Variants in MIPOL1 observed in about 807,000 individuals in gnomAD.
MIPOL1 encodes mirror-image polydactyly 1.
MIPOL1 carries 57 observed loss-of-function variants against 60.9 expected under a neutral mutation model. The observed-to-expected ratio is 0.94, with a 90% CI of 0.76 to 1.17. The LOEUF is 1.17. Among genes scored for constraint, MIPOL1 ranks in the 50% most tolerant of loss-of-function variants. The pLI is 0.00. For synonymous variants in MIPOL1, 179 were observed against 168.8 expected (o/e 1.06, Z -0.47); for missense variants, 551 against 511.6 (o/e 1.08, Z -0.74).
chr14:37,431,231 C>T (rs2094057890), intron 11 of MIPOL1, among the ~76,000 whole-genome samples: 1 of 152,200 alleles, frequency 6.6e-6, no homozygotes, highest in South Asian at 2.1e-4. Flanking sequence ...TATAGGTCCA[C>T]AGGTGGCAAT....
intron 9 of MIPOL1, among the ~76,000 whole-genome samples, chr14:37,324,570 T>G (rs1237264730): frequency 6.6e-6 from 1 of 152,114 alleles, no homozygotes; most frequent in Non-Finnish European, 1.5e-5. Flanking sequence ...GTTTTAAATT[T>G]TGATGACATC....
intron 11 of MIPOL1, among the ~76,000 whole-genome samples, chr14:37,455,190 A>G (rs550932546): frequency 2.6e-5 from 4 of 152,330 alleles, no homozygotes; most frequent in African/African-American, 9.6e-5. Flanking sequence ...CTTTCTTCTG[A>G]ATTACTATGA....
At chr14:37,304,304 T>G (rs1441077882) in intron 7 of MIPOL1, among the ~76,000 whole-genome samples, 1 of 151,740 alleles carries the variant, frequency 6.6e-6, no homozygotes, top group East Asian at 1.9e-4. Context: ...TCTGCTTTTC[T>G]TTACCCCTTG....
At chr14:37,299,494 C>A (rs2086167707) in intron 7 of MIPOL1, among the ~76,000 whole-genome samples, 1 of 151,656 alleles carries the variant, frequency 6.6e-6, no homozygotes, top group Non-Finnish European at 1.5e-5. Flanking sequence ...ACTTTCTTTA[C>A]CATTTGGTTA....
chr14:37,259,187 T>G (rs1028704712), intron 3 of MIPOL1, among the ~76,000 whole-genome samples: 4 of 152,158 alleles, frequency 2.6e-5, no homozygotes, highest in Admixed American at 2.6e-4. Flanking sequence ...TTCAGTATCT[T>G]ATAGCTACAC....
At chr14:37,459,274 A>G (rs1328157195) in intron 11 of MIPOL1, among the ~76,000 whole-genome samples, 1 of 152,174 alleles carries the variant, frequency 6.6e-6, no homozygotes, top group Non-Finnish European at 1.5e-5. Flanking sequence ...ACGACTAGCT[A>G]GAATAACCAA....
At chr14:37,284,426 C>G (rs989050588) in intron 6 of MIPOL1, among the ~76,000 whole-genome samples, 2 of 152,104 alleles carry the variant, frequency 1.3e-5, no homozygotes, top group African/African-American at 4.8e-5. Context: ...TCATTGCAAC[C>G]TCCGCCTCCT....
chr14:37,198,387 G>A (rs1346005781), intron 1 of MIPOL1: 1 of 152,066 alleles, frequency 6.6e-6, no homozygotes, highest in African/African-American at 2.4e-5. Context: ...TTTATTCAAG[G>A]GTGTATTTTT....
intron 6 of MIPOL1, among the ~76,000 whole-genome samples, chr14:37,270,740 G>A (rs1039023367): frequency 1.3e-5 from 2 of 150,628 alleles, no homozygotes; most frequent in Non-Finnish European, 2.9e-5. Context: ...ACTGATTTGG[G>A]CATTAAATGC....
chr14:37,295,952 A>G (rs1394494041), intron 7 of MIPOL1, among the ~76,000 whole-genome samples: 2 of 152,186 alleles, frequency 1.3e-5, no homozygotes, highest in Non-Finnish European at 2.9e-5. Flanking sequence ...CACCAAGCAG[A>G]CCTAATAGAC....
At chr14:37,297,372 G>A (rs2085841254) in intron 7 of MIPOL1, among the ~76,000 whole-genome samples, 1 of 152,130 alleles carries the variant, frequency 6.6e-6, no homozygotes, top group Non-Finnish European at 1.5e-5. Context: ...AAAACTGGAA[G>A]CATTCCCTTT....
chr14:37,339,550 T>C (rs2090423888), intron 9 of MIPOL1, among the ~76,000 whole-genome samples: 1 of 152,200 alleles, frequency 6.6e-6, no homozygotes, highest in Non-Finnish European at 1.5e-5. Flanking sequence ...GAAAATGATG[T>C]GAAAGTCATT....
intron 6 of MIPOL1, among the ~76,000 whole-genome samples, chr14:37,274,334 T>C (rs1053822730): frequency 6.6e-6 from 1 of 151,468 alleles, no homozygotes; most frequent in Non-Finnish European, 1.5e-5. Context: ...AACTCAGCTC[T>C]GTCCCCTATC....
intron 1 of MIPOL1, among the ~76,000 whole-genome samples, chr14:37,238,067 A>G (rs1202903803): frequency 6.6e-6 from 1 of 152,200 alleles, no homozygotes; most frequent in Non-Finnish European, 1.5e-5. Flanking sequence ...CTTGGACTCA[A>G]GTGATCCTCC....
chr14:37,494,903 T>A (rs750356550), intron 11 of MIPOL1, among the ~76,000 whole-genome samples: 8 of 152,130 alleles, frequency 5.3e-5, no homozygotes, highest in Non-Finnish European at 1.2e-4. Flanking sequence ...GTATTTTGAA[T>A]GCTAAGCAGC....
chr14:37,530,532 C>T (rs1481678325), intron 12 of MIPOL1, among the ~76,000 whole-genome samples: 1 of 152,150 alleles, frequency 6.6e-6, no homozygotes, highest in African/African-American at 2.4e-5. Flanking sequence ...AATAATTAAA[C>T]TCTTTCCATG....
chr14:37,215,999 G>T (rs1453411363), intron 1 of MIPOL1, among the ~76,000 whole-genome samples: 1 of 146,974 alleles, frequency 6.8e-6, no homozygotes, highest in South Asian at 2.2e-4. Context: ...GCAGGCAGAG[G>T]TTTCAGTAAG....
chr14:37,379,790 A>G (rs1317911107), intron 10 of MIPOL1, among the ~76,000 whole-genome samples: 4 of 152,112 alleles, frequency 2.6e-5, no homozygotes, highest in African/African-American at 9.7e-5. Flanking sequence ...GAGCTCAGTT[A>G]TTAAGTAAAA....
At chr14:37,319,526 G>A (rs1375348647) in intron 9 of MIPOL1, among the ~76,000 whole-genome samples, 3 of 152,106 alleles carry the variant, frequency 2.0e-5, no homozygotes, top group Non-Finnish European at 1.5e-5. Flanking sequence ...AGTGCCTTGA[G>A]TAATATGAAC....
Sources: allele counts gnomAD v4.1 joint callset (sites outside exome capture counted in the v4.1 genomes callset), GRCh38; gene constraint gnomAD v4.1.1; transcripts MANE v1.5; gene names NCBI Gene and HGNC (gene_info 2026-07-23, HGNC 2026-07-21).